The following MAP2K1 variants were observed in gnomAD, a reference collection of about 807,000 sequenced individuals.
MAP2K1 encodes the protein mitogen-activated protein kinase kinase 1.
A neutral mutation model predicts 46.3 loss-of-function variants in MAP2K1; 16 were observed. That is an observed-to-expected ratio of 0.35 (90% CI 0.23 to 0.52). The LOEUF (loss-of-function observed/expected upper bound fraction) is 0.52. Ranked by LOEUF, MAP2K1 falls within the 20% of genes least tolerant of loss-of-function variation. MAP2K1 has a pLI of 0.94. For synonymous variants in MAP2K1, 183 were observed against 185.6 expected, an observed-to-expected ratio of 0.99 and a Z score of 0.11; for missense variants, 263 against 497.1, an observed-to-expected ratio of 0.53 and a Z score of 4.48.
chr15:66,401,837 GGGATGAGCAACTTCACACAAGT>G (rs1418896730), intron 1 of MAP2K1: 8 of 561,632 alleles, frequency 1.4e-5, no homozygotes, highest in South Asian at 1.2e-4. Flanking sequence ...AAGAGAGCAC[GGGATGAGCAACTTCACACAAGT>G]GGGAAAGCCT....
rs867971861 is a variant in MAP2K1, at chr15:66,420,747, G to A, written c.81-14280G>A. Among the ~76,000 whole-genome samples the A allele has an allele frequency of 4.2e-4, 16 of 38,044 alleles. 1 individual carries two copies. Among genetic ancestry groups the A allele is most frequent in the African/African-American group, 8.5e-4 (10 of 11,804 alleles). 25.0% of individuals were successfully genotyped at this position (38,044 alleles called of 152,430 possible). The stretch of plus-strand genomic sequence containing the variant: ...TGTGTGTGTGTGTGTGTGTGTGTGT[G>A]TGTGTGTGTGTGTATGTGTGTATAT... On this transcript the variant is annotated intron_variant, in intron 1 of 10. Coordinates refer to ENST00000307102, the MANE Select transcript of MAP2K1 (RefSeq NM_002755.4).
chr15:66,481,691 G>A (rs542324429), intron 5 of MAP2K1, 64 bp from the exon 6 acceptor site: 2 of 1,585,508 alleles, frequency 1.3e-6, no homozygotes, highest in South Asian at 2.2e-5. Flanking sequence ...GTGGAATGCT[G>A]ATCCTTCTCT....
chr15:66,415,767 G>T (rs113020477), intron 1 of MAP2K1, among the ~76,000 whole-genome samples: 10 of 152,084 alleles, frequency 6.6e-5, no homozygotes, highest in African/African-American at 2.4e-4. Context: ...TTCCATTTTC[G>T]TTAAACAAAA....
At chr15:66,469,498 T>TTA in intron 5 of MAP2K1, among the ~76,000 whole-genome samples, 1 of 139,808 alleles carries the variant, frequency 7.2e-6, no homozygotes, top group Middle Eastern at 3.8e-3. Flanking sequence ...TTTTTTTTTT[T>TTA]TGTTGAGGAA....
chr15:66,412,318 T>C (rs1016168268), intron 1 of MAP2K1, among the ~76,000 whole-genome samples: 2 of 152,200 alleles, frequency 1.3e-5, no homozygotes, highest in African/African-American at 4.8e-5. Context: ...GGCTGTACTG[T>C]GAAAGGCTTC....
chr15:66,389,131 C>T (rs1335039583), intron 1 of MAP2K1, among the ~76,000 whole-genome samples: 1 of 152,062 alleles, frequency 6.6e-6, no homozygotes, highest in Non-Finnish European at 1.5e-5. Context: ...GTGGCAAACT[C>T]CCGTCCTCAG....
intron 1 of MAP2K1, among the ~76,000 whole-genome samples, chr15:66,415,441 A>T (rs562290204): frequency 2.0e-5 from 3 of 152,290 alleles, no homozygotes; most frequent in African/African-American, 7.2e-5. Flanking sequence ...CATCTTTGTG[A>T]TGTGGTAAGT....
chr15:66,444,023 A>G (rs987264110), intron 4 of MAP2K1, among the ~76,000 whole-genome samples: 1 of 152,212 alleles, frequency 6.6e-6, no homozygotes, highest in African/African-American at 2.4e-5. Context: ...AGATCACCTG[A>G]GGTCGGGAGT....
chr15:66,423,395 C>G (rs2140559602), intron 1 of MAP2K1, among the ~76,000 whole-genome samples: 1 of 151,698 alleles, frequency 6.6e-6, no homozygotes, highest in Non-Finnish European at 1.5e-5. Flanking sequence ...AGGTTGTTCC[C>G]CCCCATCCCA....
At chr15:66,481,695 C>G in intron 5 of MAP2K1, 60 bp from the exon 6 acceptor site, 1 of 1,592,248 alleles carries the variant, frequency 6.3e-7, no homozygotes, top group Non-Finnish European at 8.6e-7. Flanking sequence ...AATGCTGATC[C>G]TTCTCTTCCC....
rs200327595 is a variant in MAP2K1 at position 66,420,912 on chromosome 15, CACATACAT to C, written c.81-14109_81-14102del. ...ATATATACACATACATACATACACA[CACATACAT>C]ACATATATATACACACATACATATA... On this transcript the variant is annotated intron_variant, in intron 1 of 10. Transcript: ENST00000307102. Among the ~76,000 whole-genome samples, 209 of 130,388 alleles carry C rather than the reference CACATACAT, an allele frequency of 1.6e-3. 1 individual carries two copies. The highest frequency in any genetic ancestry group is 2.5e-3 in the Non-Finnish European group (153 of 61,292). The allele number at this position is 130,388 out of a possible 152,430, so 85.5% of individuals were successfully genotyped here.
intron 1 of MAP2K1, among the ~76,000 whole-genome samples, chr15:66,388,576 G>C (rs949378978): frequency 6.6e-6 from 1 of 152,120 alleles, no homozygotes; most frequent in Non-Finnish European, 1.5e-5. Flanking sequence ...TACAGATGGG[G>C]TCTTGCTATA....
At position 66,436,826 on chromosome 15, in the gene MAP2K1, G is replaced by A. The variant is rs750270430; in HGVS notation, c.372G>A (p.Pro124=). 2.0e-5 allele frequency: 32 copies of A among 1,614,144 alleles called. No homozygotes were observed. Among genetic ancestry groups the A allele is most frequent in the Admixed American group, 3.3e-5 (2 of 60,004 alleles). The part of the protein sequence containing the change: ...ELQVLHECNS[P]YIVGFYGAFY... The stretch of plus-strand genomic sequence containing the variant: ...AGGTTCTGCATGAGTGCAACTCTCC[G>A]TACATCGTGGGCTTCTATGGTGCGT... Residue 124 remains proline, a synonymous_variant, in exon 3 of 11, where the codon CCG becomes CCA. Coordinates refer to ENST00000307102, the MANE Select transcript of MAP2K1 (RefSeq NM_002755.4).
At chr15:66,475,776 TTGCCCTTACACG>T (rs1567022835) in intron 5 of MAP2K1, among the ~76,000 whole-genome samples, 1 of 152,174 alleles carries the variant, frequency 6.6e-6, no homozygotes, top group African/African-American at 2.4e-5. Context: ...ATCTTCATCT[TTGCCCTTACACG>T]TGCACATGTT....
intron 1 of MAP2K1, among the ~76,000 whole-genome samples, chr15:66,420,169 G>A (rs1046670433): frequency 2.6e-5 from 4 of 151,242 alleles, no homozygotes; most frequent in Admixed American, 2.6e-4. Flanking sequence ...ACTTGAACCG[G>A]GGAGGCGGAG....
intron 1 of MAP2K1, among the ~76,000 whole-genome samples, chr15:66,427,620 A>G (rs1345375263): frequency 6.6e-6 from 1 of 152,120 alleles, no homozygotes; most frequent in Admixed American, 6.5e-5. Flanking sequence ...TGTGAGCTAG[A>G]TGAGTGTGGG....
At chr15:66,393,708 A>G (rs1044649248) in intron 1 of MAP2K1, among the ~76,000 whole-genome samples, 2 of 152,182 alleles carry the variant, frequency 1.3e-5, no homozygotes, top group Non-Finnish European at 1.5e-5. Context: ...CTCTTCACTC[A>G]TGCACTCTAG....
chr15:66,489,114 T>TA (rs1308836546), intron 8 of MAP2K1, 101 bp from the exon 9 acceptor site: 46 of 923,186 alleles, frequency 5.0e-5, no homozygotes, highest in Middle Eastern at 2.2e-4. Context: ...GAGAAGACTT[T>TA]AAAAAAAAGT....
At chr15:66,414,043 T>C (rs1219737589) in intron 1 of MAP2K1, among the ~76,000 whole-genome samples, 1 of 151,602 alleles carries the variant, frequency 6.6e-6, no homozygotes, top group African/African-American at 2.4e-5. Context: ...TGAACCTGCC[T>C]CAGGTCTCTG....
Sources: gnomAD v4.1 joint callset for allele counts (sites outside exome capture counted in the v4.1 genomes callset) on GRCh38, gnomAD v4.1.1 for gene constraint, MANE v1.5 for transcripts, NCBI Gene and HGNC (gene_info 2026-07-23, HGNC 2026-07-21) for gene names.